Variants in SPAG7 observed in about 807,000 individuals in gnomAD.
SPAG7 encodes the protein sperm associated antigen 7, also known as sperm-associated antigen 7.
Under a neutral mutation model 30.6 loss-of-function variants are expected in SPAG7, and 20 were observed. The ratio of observed to expected loss-of-function variants is 0.65; its 90% CI spans 0.46 to 0.95. The LOEUF (loss-of-function observed/expected upper bound fraction) is 0.95. Among genes scored for constraint, SPAG7 ranks in the 40% least tolerant of loss-of-function variants. SPAG7 has a pLI of 0.00. For missense variants in SPAG7, 276 were observed against 291.1 expected (o/e 0.95, Z 0.38); for synonymous variants, 127 against 104.2 (o/e 1.22, Z -1.33).
Position 4,967,787 on chromosome 17 carries a change from G to A in SPAG7, c.18C>T (p.Gly6=). MADLL[G]SILSSMEKPP... The stretch of plus-strand genomic sequence containing the variant: ...GCTTCTCCATGGAGCTCAGGATGGA[G>A]CCCAGTAGGTCCGCCATCTTGGGAG... Residue 6 remains glycine (G), a synonymous_variant, in exon 1 of 7, where the codon GGC becomes GGT. Coordinates refer to ENST00000206020, the MANE Select transcript of SPAG7 (RefSeq NM_004890.3). 1.2e-6 allele frequency: 2 copies of A among 1,613,880 alleles called. No individual in the cohort carries two copies. The highest frequency in any genetic ancestry group is 1.3e-5 in the African/African-American group (1 of 75,030).
chr17:4,959,823 T>C lies in SPAG7; in HGVS notation c.511A>G (p.Ile171Val). The change falls in exon 6 of 7, where the codon ATC (isoleucine) becomes GTC (valine). Residue 171 changes from isoleucine to valine, a missense_variant. Ile to Val is a conservative substitution (Grantham distance 29). Transcript: ENST00000206020. Reference sequence around the variant, plus strand: ...GCGTCTTTGGCTGCTCCCTTGCCGATGAGGTGGCTGTACTTGTCCTTGTAG... The same window carrying C: ...GCGTCTTTGGCTGCTCCCTTGCCGACGAGGTGGCTGTACTTGTCCTTGTAG... ...SDYKDKYSHL[I>V]GKGAAKDAAH... 1 of 1,614,156 alleles carries C rather than the reference T, an allele frequency of 6.2e-7. No homozygotes were observed. Among genetic ancestry groups the C allele is most frequent in the Non-Finnish European group, 8.5e-7 (1 of 1,180,034 alleles).
intron 1 of SPAG7, among the ~76,000 whole-genome samples, chr17:4,962,357 C>G (rs964660661): frequency 3.3e-5 from 5 of 152,044 alleles, no homozygotes; most frequent in African/African-American, 1.2e-4. Flanking sequence ...CAAGTGATCC[C>G]CCCGCCTCAC....
chr17:4,967,022 C>A (rs1339799131), intron 1 of SPAG7: 5 of 985,610 alleles, frequency 5.1e-6, no homozygotes, highest in Non-Finnish European at 6.0e-6. Context: ...CTACGCCGGC[C>A]GCCGAACTCC....
intron 1 of SPAG7, among the ~76,000 whole-genome samples, chr17:4,963,254 G>A (rs1232148804): frequency 6.6e-6 from 1 of 151,970 alleles, no homozygotes; most frequent in Non-Finnish European, 1.5e-5. Flanking sequence ...TAGGCATGAT[G>A]ATGCATGCCT....
chr17:4,966,554 G>A, intron 1 of SPAG7: 1 of 980,128 alleles, frequency 1.0e-6, no homozygotes, highest in Non-Finnish European at 1.2e-6. Context: ...ATTTCAAATA[G>A]ACTCTTCTGC....
Sources: gnomAD v4.1 joint callset for allele counts (sites outside exome capture counted in the v4.1 genomes callset) on GRCh38, gnomAD v4.1.1 for gene constraint, MANE v1.5 for transcripts, NCBI Gene and HGNC (gene_info 2026-07-23, HGNC 2026-07-21) for gene names.